Variants in MYO16 observed in about 807,000 individuals in gnomAD.
MYO16 encodes unconventional myosin-XVI.
A neutral mutation model predicts 205.3 loss-of-function variants in MYO16; 94 were observed. The observed-to-expected ratio is 0.46, with a 90% CI of 0.39 to 0.54. MYO16 has a LOEUF of 0.54. Among genes scored for constraint, MYO16 ranks in the 20% least tolerant of loss-of-function variants. The probability of loss-of-function intolerance (pLI) is 0.00; values close to 1 mark genes in which losing one functional copy is unlikely to be tolerated. For missense variants in MYO16, 2,315 were observed against 2,387.5 expected, an observed-to-expected ratio of 0.97 and a Z score of 0.63; for synonymous variants, 988 against 954.0, an observed-to-expected ratio of 1.04 and a Z score of -0.66.
rs576443626 is a variant in MYO16 at position 108,679,922 on chromosome 13, T to A, written c.292+13773T>A. Among the ~76,000 whole-genome samples the A allele has an allele frequency of 1.2e-4, 18 of 152,182 alleles. 1 individual carries two copies. The highest frequency in any genetic ancestry group is 4.3e-4 in the African/African-American group (18 of 41,544). ...GCACTTCCCACTGTACCTAGGCTCA[T>A]TCAGCTCCTCAAGCCTCTTCTGCCA... is the stretch of plus-strand genomic sequence containing the variant. On this transcript the variant is annotated intron_variant, in intron 2 of 34. Transcript: ENST00000457511.
intron 9 of MYO16, among the ~76,000 whole-genome samples, chr13:108,834,166 C>T (rs140123888): frequency 1.3e-5 from 2 of 152,080 alleles, no homozygotes; most frequent in Non-Finnish European, 2.9e-5. Context: ...GAGCTCAATT[C>T]TACTGAACAA....
chr13:109,029,984 T>C (rs1384577051), intron 23 of MYO16, among the ~76,000 whole-genome samples: 1 of 152,194 alleles, frequency 6.6e-6, no homozygotes, highest in Non-Finnish European at 1.5e-5. Flanking sequence ...GGCTAGTTGG[T>C]ATATTTTTTC....
At chr13:108,958,687 GT>G (rs1213991756) in intron 17 of MYO16, among the ~76,000 whole-genome samples, 1 of 152,104 alleles carries the variant, frequency 6.6e-6, no homozygotes, top group Non-Finnish European at 1.5e-5. Flanking sequence ...GCCATGTGTG[GT>G]TAGTGGTTAC....
At chr13:108,723,627 T>C (rs1884240773) in intron 3 of MYO16, among the ~76,000 whole-genome samples, 1 of 152,182 alleles carries the variant, frequency 6.6e-6, no homozygotes, top group South Asian at 2.1e-4. Context: ...AAATTAGTTG[T>C]CTATACATGA....
chr13:108,814,343 CTT>C (rs930426309), intron 7 of MYO16, among the ~76,000 whole-genome samples: 133 of 152,128 alleles, frequency 8.7e-4, no homozygotes, highest in African/African-American at 3.1e-3. Flanking sequence ...CATTGTTTTT[CTT>C]TTCTTTCTGA....
At position 109,077,219 on chromosome 13, in the gene MYO16, G is replaced by A. The variant is rs182311704; in HGVS notation, c.3335+21624G>A. ...ATTTTTAGTAGAGACGGGATTTTGCGATGTTGGCCAGGATGGTCTTGAACT... is the reference window on the plus strand; with the variant it reads ...ATTTTTAGTAGAGACGGGATTTTGCAATGTTGGCCAGGATGGTCTTGAACT... On this transcript the variant is annotated intron_variant, in intron 27 of 34. Coordinates refer to ENST00000457511, the MANE Select transcript of MYO16 (RefSeq NM_001198950.3). 6.2e-3 allele frequency among the ~76,000 whole-genome samples: 942 copies of A among 152,026 alleles called. 8 individuals carry two copies. Among genetic ancestry groups the A allele is most frequent in the African/African-American group, 0.022 (898 of 41,486 alleles).
intron 12 of MYO16, among the ~76,000 whole-genome samples, chr13:108,872,122 G>T (rs772187396): frequency 1.2e-4 from 18 of 152,166 alleles, no homozygotes; most frequent in Admixed American, 3.3e-4. Flanking sequence ...AAGAGAGAGA[G>T]AAACGCACCC....
At position 108,849,792 on chromosome 13, in the gene MYO16, C is replaced by T. The variant is rs140359615; in HGVS notation, c.1248+5299C>T. ...GCCCCTAGACTGCCTTCCTCCAAAT[C>T]CTGTTGAATTTCCTCTTTTTTTGTG... On this transcript the variant is annotated intron_variant, in intron 10 of 34. Coordinates refer to ENST00000457511, the MANE Select transcript of MYO16 (RefSeq NM_001198950.3). 2.7e-3 allele frequency among the ~76,000 whole-genome samples: 404 copies of T among 147,680 alleles called. 2 individuals are homozygous for T. Among genetic ancestry groups the T allele is most frequent in the Admixed American group, 5.6e-3 (82 of 14,670 alleles).
At position 109,169,954 on chromosome 13, in the gene MYO16, A is replaced by T. The variant is rs551745663; in HGVS notation, c.5323+4895A>T. Among the ~76,000 whole-genome samples the T allele has an allele frequency of 2.0e-5, 3 of 152,198 alleles. No homozygotes were observed. The South Asian group carries it at 6.2e-4, about 32-fold the overall frequency. ...CTATCCATGTGGAGCAAACAGTGAA[A>T]CTCGACTCTGCCTAATGCTATACAC... On this transcript the variant is annotated intron_variant, in intron 33 of 34. Coordinates refer to ENST00000457511, the MANE Select transcript of MYO16 (RefSeq NM_001198950.3).
At chr13:109,067,880 A>G (rs1006127087) in intron 27 of MYO16, among the ~76,000 whole-genome samples, 1 of 152,194 alleles carries the variant, frequency 6.6e-6, no homozygotes, top group Admixed American at 6.5e-5. Context: ...CTACAAATGA[A>G]GGATTGTACA....
At chr13:108,529,540 A>C in the MYO16 span, among the ~76,000 whole-genome samples, 404 of 152,302 alleles carry the variant, frequency 2.7e-3, 3 homozygotes, top group African/African-American at 9.0e-3. Flanking sequence ...GTGCACATGA[A>C]CTAAAAATGT....
intron 4 of MYO16, among the ~76,000 whole-genome samples, chr13:108,753,383 A>AAAAAAAAACAAAC (rs1555344226): frequency 1.4e-5 from 2 of 147,724 alleles, no homozygotes; most frequent in African/African-American, 5.3e-5. Flanking sequence ...AAAAAAAAAA[A>AAAAAAAAACAAAC]AAAAAAAAAA....
chr13:109,059,734 C>A (rs558051451), intron 27 of MYO16, among the ~76,000 whole-genome samples: 2 of 152,216 alleles, frequency 1.3e-5, no homozygotes, highest in African/African-American at 4.8e-5. Context: ...ATGATGGTTT[C>A]TTTTGCTCTG....
At chr13:109,012,583 C>A (rs111677816) in intron 22 of MYO16, among the ~76,000 whole-genome samples, 2,566 of 152,142 alleles carry the variant, frequency 0.017, 76 homozygotes, top group African/African-American at 0.059. Flanking sequence ...CCATCCCCCC[C>A]ACCCCTGGTC....
At chr13:108,591,050 T>G in the MYO16 span, among the ~76,000 whole-genome samples, 3 of 152,088 alleles carry the variant, frequency 2.0e-5, no homozygotes, top group Non-Finnish European at 4.4e-5. Flanking sequence ...TTTCTGGGAG[T>G]AGGTCATGGA....
intron 11 of MYO16, among the ~76,000 whole-genome samples, chr13:108,860,446 T>C (rs1383004303): frequency 1.3e-5 from 2 of 152,238 alleles, no homozygotes; most frequent in Non-Finnish European, 2.9e-5. Flanking sequence ...GTCTTTGCTA[T>C]TGTGAATAGT....
chr13:109,126,323 A>AT (rs1876246431), intron 30 of MYO16, among the ~76,000 whole-genome samples: 2 of 152,228 alleles, frequency 1.3e-5, no homozygotes, highest in South Asian at 4.1e-4. Context: ...CAGCTATTTC[A>AT]TTTTCTACAT....
Position 108,798,701 on chromosome 13 carries a change from T to TA in MYO16, c.741+5061_741+5062insA, listed in dbSNP as rs1274249986. ...GCCCCGAGGCTTATTTTTTTTTTTT[T>TA]TTTTTTTTTTTTTTTGAGATGGAGT... On this transcript the variant is annotated intron_variant, in intron 6 of 34. Transcript: ENST00000457511. 5.6e-3 allele frequency among the ~76,000 whole-genome samples: 684 copies of TA among 122,732 alleles called. 3 individuals are homozygous for TA. Among genetic ancestry groups the TA allele is most frequent in the Non-Finnish European group, 6.9e-3 (412 of 59,334 alleles). 80.5% of individuals were successfully genotyped at this position (122,732 alleles called of 152,430 possible). A position where few individuals can be genotyped will look rare whatever the true frequency, so the allele number is the denominator to read the frequency against.
At chr13:108,520,923 T>G in the MYO16 span, among the ~76,000 whole-genome samples, 32 of 152,318 alleles carry the variant, frequency 2.1e-4, no homozygotes, top group Non-Finnish European at 3.8e-4. Context: ...AATGAGTCTG[T>G]GCAATGGGTG....
Sources: gnomAD v4.1 joint callset for allele counts (sites outside exome capture counted in the v4.1 genomes callset) on GRCh38, gnomAD v4.1.1 for gene constraint, MANE v1.5 for transcripts, NCBI Gene and HGNC (gene_info 2026-07-23, HGNC 2026-07-21) for gene names.